ICA1: variants seen among roughly 807,000 people sequenced by gnomAD.
The protein encoded by ICA1 is 69 kDa islet cell autoantigen.
In ICA1, 40 loss-of-function variants were observed where a neutral mutation model predicts 71.0. That is an observed-to-expected ratio of 0.56 (90% CI 0.44 to 0.73). ICA1 has a LOEUF of 0.73. Among genes scored for constraint, ICA1 ranks in the 30% least tolerant of loss-of-function variants. ICA1 has a pLI of 0.00. For synonymous variants in ICA1, 207 were observed against 209.5 expected (o/e 0.99, Z 0.10); for missense variants, 578 against 576.5 (o/e 1.00, Z -0.03).
At chr7:8,159,514 C>T (rs756830370) in intron 6 of ICA1, among the ~76,000 whole-genome samples, 1 of 152,122 alleles carries the variant, frequency 6.6e-6, no homozygotes, top group Non-Finnish European at 1.5e-5. Context: ...GAGTTTGAGA[C>T]CAGCCTGGGC....
chr7:8,122,646 A>C (rs73057507), intron 13 of ICA1, among the ~76,000 whole-genome samples: 15,564 of 152,276 alleles, frequency 0.1, 907 homozygotes, highest in African/African-American at 0.14. Flanking sequence ...ACCTGGAGCC[A>C]GGCTAAGCCA....
At chr7:8,261,312 G>A (rs368242400) in intron 1 of ICA1, among the ~76,000 whole-genome samples, 1 of 152,200 alleles carries the variant, frequency 6.6e-6, no homozygotes, top group Non-Finnish European at 1.5e-5. Context: ...AAGACAGTGG[G>A]AAAGGTTCCT....
At chr7:8,126,153 A>T (rs946797215) in intron 13 of ICA1, among the ~76,000 whole-genome samples, 11 of 152,220 alleles carry the variant, frequency 7.2e-5, no homozygotes, top group Non-Finnish European at 1.2e-4. Flanking sequence ...CTAAGCAGCA[A>T]CACAGTTGCA....
chr7:8,207,878 A>G (rs1035775651), intron 6 of ICA1, among the ~76,000 whole-genome samples: 8 of 152,208 alleles, frequency 5.3e-5, no homozygotes, highest in African/African-American at 1.7e-4. Context: ...CAAACACTAA[A>G]ATATAGATAG....
At chr7:8,228,696 A>G in intron 3 of ICA1, 23 bp from the exon 4 acceptor site, 1 of 1,519,042 alleles carries the variant, frequency 6.6e-7, no homozygotes, top group Non-Finnish European at 9.1e-7. Flanking sequence ...TACAAACAAA[A>G]TGCAAAATAA....
At chr7:8,225,773 C>T (rs1798415728) in intron 4 of ICA1, among the ~76,000 whole-genome samples, 1 of 152,218 alleles carries the variant, frequency 6.6e-6, no homozygotes, top group Non-Finnish European at 1.5e-5. Context: ...TTCCTTCTAG[C>T]TTCTCCTTTT....
chr7:8,170,364 C>T (rs983676564), intron 6 of ICA1, among the ~76,000 whole-genome samples: 3 of 151,930 alleles, frequency 2.0e-5, no homozygotes, highest in African/African-American at 7.2e-5. Context: ...GTCAGCTTGT[C>T]AATTTCTACA....
chr7:8,256,083 C>A (rs1017295032), intron 1 of ICA1, among the ~76,000 whole-genome samples: 1 of 152,134 alleles, frequency 6.6e-6, no homozygotes. Flanking sequence ...CCTCTTTCAT[C>A]TTTTGCAACC....
At chr7:8,203,562 C>T (rs1057135010) in intron 6 of ICA1, among the ~76,000 whole-genome samples, 18 of 152,194 alleles carry the variant, frequency 1.2e-4, no homozygotes, top group Admixed American at 9.2e-4. Flanking sequence ...CTCTGAGCCC[C>T]ACCCCAGGCC....
intron 8 of ICA1, among the ~76,000 whole-genome samples, chr7:8,152,583 TTCA>T (rs1562699053): frequency 7.5e-5 from 11 of 147,148 alleles, no homozygotes; most frequent in South Asian, 4.4e-4. Context: ...CACCATCTCC[TTCA>T]CCACCACTAC....
chr7:8,233,328 G>A (rs1158780209), intron 2 of ICA1, among the ~76,000 whole-genome samples: 1 of 152,076 alleles, frequency 6.6e-6, no homozygotes, highest in East Asian at 1.9e-4. Flanking sequence ...AGGTGCATAA[G>A]GTTTCAGTTA....
chr7:8,247,798 T>C (rs1806614822), intron 1 of ICA1, among the ~76,000 whole-genome samples: 1 of 152,226 alleles, frequency 6.6e-6, no homozygotes, highest in Non-Finnish European at 1.5e-5. Flanking sequence ...TGAAGTTAGC[T>C]GATGGCACTT....
chr7:8,158,080 C>A (rs1345907038), intron 7 of ICA1, among the ~76,000 whole-genome samples: 2 of 152,086 alleles, frequency 1.3e-5, no homozygotes, highest in Non-Finnish European at 2.9e-5. Context: ...GCAGTGTTAT[C>A]CGGAAGGAAC....
chr7:8,128,583 C>A (rs1014664159), intron 12 of ICA1, among the ~76,000 whole-genome samples: 3 of 152,144 alleles, frequency 2.0e-5, no homozygotes, highest in Non-Finnish European at 2.9e-5. Flanking sequence ...TCCTGCCACC[C>A]AGGATGGGGA....
At chr7:8,174,780 CAGAG>C (rs1473411951) in intron 6 of ICA1, among the ~76,000 whole-genome samples, 11 of 40,388 alleles carry the variant, frequency 2.7e-4, no homozygotes, top group African/African-American at 1.0e-3. Flanking sequence ...AAAAAAAAAA[CAGAG>C]AGAGAGACAA....
intron 6 of ICA1, among the ~76,000 whole-genome samples, chr7:8,191,518 T>A (rs762013127): frequency 6.6e-6 from 1 of 152,218 alleles, no homozygotes; most frequent in Non-Finnish European, 1.5e-5. Context: ...TGCCCCACTG[T>A]AGGCTAATGT....
chr7:8,211,859 C>T (rs1793897757), intron 6 of ICA1, among the ~76,000 whole-genome samples: 1 of 152,178 alleles, frequency 6.6e-6, no homozygotes, highest in African/African-American at 2.4e-5. Context: ...CTGCTCAACT[C>T]TGCCATGGTA....
chr7:8,151,897 T>C (rs1022389846), intron 8 of ICA1, among the ~76,000 whole-genome samples: 7 of 152,228 alleles, frequency 4.6e-5, no homozygotes, highest in Non-Finnish European at 4.4e-5. Flanking sequence ...GGTACATCTG[T>C]TTCAATGGTT....
intron 13 of ICA1, among the ~76,000 whole-genome samples, chr7:8,117,503 T>C (rs1467870236): frequency 6.6e-6 from 1 of 152,232 alleles, no homozygotes; most frequent in African/African-American, 2.4e-5. Flanking sequence ...ATTGTATATA[T>C]GCAAGTCTTA....
Sources: gnomAD v4.1 joint callset for allele counts (sites outside exome capture counted in the v4.1 genomes callset) on GRCh38, gnomAD v4.1.1 for gene constraint, MANE v1.5 for transcripts, NCBI Gene and HGNC (gene_info 2026-07-23, HGNC 2026-07-21) for gene names.